The following ADAM18 variants were observed in gnomAD, a reference collection of about 807,000 sequenced individuals.
ADAM18 encodes ADAM metallopeptidase domain 18.
Under a neutral mutation model 94.4 loss-of-function variants are expected in ADAM18, and 117 were observed. The observed-to-expected ratio is 1.24, with a 90% CI of 1.07 to 1.45. ADAM18 has a LOEUF of 1.45. Among genes scored for constraint, ADAM18 ranks in the 40% most tolerant of loss-of-function variants. The pLI is 0.00. For missense variants in ADAM18, 936 were observed against 880.0 expected, an observed-to-expected ratio of 1.06 and a Z score of -0.81; for synonymous variants, 327 against 291.6, an observed-to-expected ratio of 1.12 and a Z score of -1.24.
At chr8:39,723,943 T>C (rs1323544972) in intron 19 of ADAM18, 36 bp downstream of exon 19, 1 of 1,273,374 alleles carries the variant, frequency 7.9e-7, no homozygotes, top group East Asian at 2.7e-5. Flanking sequence ...TTAGGTTTAA[T>C]TATCCTAGTC....
chr8:39,587,176 T>C (rs769473332), intron 2 of ADAM18, among the ~76,000 whole-genome samples: 1 of 152,204 alleles, frequency 6.6e-6, no homozygotes, highest in African/African-American at 2.4e-5. Flanking sequence ...ACTAAACATA[T>C]CCATCACCTC....
intron 16 of ADAM18, among the ~76,000 whole-genome samples, chr8:39,686,638 T>A (rs1265401403): frequency 6.6e-6 from 1 of 152,226 alleles, no homozygotes; most frequent in African/African-American, 2.4e-5. Context: ...GTTTCCTTTT[T>A]CATTTCTAAA....
Position 39,663,878 on chromosome 8 carries a change from A to G in ADAM18, c.1314A>G (p.Thr438=), listed in dbSNP as rs760605923. The change falls in exon 13 of 20, where the codon ACA becomes ACG. Residue 438 remains threonine, a synonymous_variant. Coordinates refer to ENST00000265707, the MANE Select transcript of ADAM18 (RefSeq NM_014237.3). ...AATGTGGTTCTGGACCATGTTGTAC[A>G]TCAAAGTGTGAGGTAAGTTACTAAC... The part of the protein sequence containing the change: ...SVKCGSGPCC[T]SKCELSIAGT... The G allele has an allele frequency of 1.9e-6, 3 of 1,610,360 alleles. No individual in the cohort carries two copies. The highest frequency in any genetic ancestry group is 2.5e-6 in the Non-Finnish European group (3 of 1,178,620).
intron 2 of ADAM18, among the ~76,000 whole-genome samples, chr8:39,593,126 C>T (rs1468207114): frequency 6.6e-6 from 1 of 152,158 alleles, no homozygotes; most frequent in African/African-American, 2.4e-5. Context: ...TTTTCATTTT[C>T]AGTCTTCATA....
At chr8:39,588,386 A>C (rs1818470781) in intron 2 of ADAM18, among the ~76,000 whole-genome samples, 1 of 152,068 alleles carries the variant, frequency 6.6e-6, no homozygotes, top group African/African-American at 2.4e-5. Flanking sequence ...AAGTTTATTC[A>C]GGTCCTTTGC....
intron 6 of ADAM18, among the ~76,000 whole-genome samples, chr8:39,620,701 C>T (rs1053123610): frequency 4.7e-5 from 7 of 148,180 alleles, no homozygotes; most frequent in African/African-American, 9.8e-5. Flanking sequence ...ATCCTATCAG[C>T]AGCAACAGCA....
chr8:39,713,210 A>G (rs985371893), intron 18 of ADAM18, among the ~76,000 whole-genome samples: 2 of 152,228 alleles, frequency 1.3e-5, no homozygotes, highest in Non-Finnish European at 2.9e-5. Context: ...TATTTAATAA[A>G]CGGTGCTGGG....
rs149937759 is a variant in ADAM18 at position 39,696,556 on chromosome 8, T to C, written c.1902+3876T>C. Among the ~76,000 whole-genome samples, 876 of 151,636 alleles carry C rather than the reference T, an allele frequency of 5.8e-3. 5 individuals are homozygous for C. The highest frequency in any genetic ancestry group is 0.02 in the African/African-American group (834 of 41,512). ...ATTTTGAGTTAATGTTGGTATATGT[T>C]TGAGATAAGAGTCTAACTATATTTT... On this transcript the variant is annotated intron_variant, in intron 17 of 19. Transcript: ENST00000265707.
chr8:39,586,548 T>C (rs1168081260), intron 2 of ADAM18, among the ~76,000 whole-genome samples: 3 of 152,072 alleles, frequency 2.0e-5, no homozygotes, highest in Admixed American at 2.0e-4. Flanking sequence ...CTTGGGCAAG[T>C]TGGTGAGACC....
intron 11 of ADAM18, among the ~76,000 whole-genome samples, chr8:39,646,492 A>G (rs1273654555): frequency 4.6e-5 from 7 of 152,216 alleles, no homozygotes; most frequent in Admixed American, 3.9e-4. Flanking sequence ...AGTAACCAAA[A>G]TAAAAATTGT....
At chr8:39,716,218 A>AT (rs1251674556) in intron 18 of ADAM18, among the ~76,000 whole-genome samples, 2 of 149,438 alleles carry the variant, frequency 1.3e-5, no homozygotes, top group African/African-American at 4.9e-5. Context: ...AATACTTGCT[A>AT]TTTTTTTTCT....
chr8:39,713,945 T>G (rs977501951), intron 18 of ADAM18, among the ~76,000 whole-genome samples: 2 of 152,186 alleles, frequency 1.3e-5, no homozygotes, highest in African/African-American at 4.8e-5. Flanking sequence ...ACTGGGTATA[T>G]ACCCAAAGGA....
chr8:39,691,975 T>C lies in ADAM18; in HGVS notation c.1822-625T>C, dbSNP rs3911233. On this transcript the variant is annotated intron_variant, in intron 16 of 19. Coordinates refer to ENST00000265707, the MANE Select transcript of ADAM18 (RefSeq NM_014237.3). Reference sequence around the variant, plus strand: ...TTATGTTGTGAACGACTTAAACAGATTTTATGGTGACACTTTGAAATAAAA... The same window carrying C: ...TTATGTTGTGAACGACTTAAACAGACTTTATGGTGACACTTTGAAATAAAA... 3.7e-3 allele frequency among the ~76,000 whole-genome samples: 566 copies of C among 151,946 alleles called. 3 individuals are homozygous for C. The highest frequency in any genetic ancestry group is 0.013 in the African/African-American group (543 of 41,504).
intron 2 of ADAM18, among the ~76,000 whole-genome samples, chr8:39,597,777 T>C (rs1486706550): frequency 6.6e-6 from 1 of 152,192 alleles, no homozygotes; most frequent in Non-Finnish European, 1.5e-5. Context: ...GTCTTTTGCC[T>C]CTCCACATAA....
intron 2 of ADAM18, among the ~76,000 whole-genome samples, chr8:39,587,739 C>T (rs1348956584): frequency 6.6e-6 from 1 of 152,160 alleles, no homozygotes; most frequent in Non-Finnish European, 1.5e-5. Flanking sequence ...AGCCACCACA[C>T]CCACCTATTT....
chr8:39,659,844 A>G (rs1585950252), intron 12 of ADAM18, among the ~76,000 whole-genome samples: 1 of 152,124 alleles, frequency 6.6e-6, no homozygotes, highest in Non-Finnish European at 1.5e-5. Context: ...AATTATAGAT[A>G]CCAAAAAATC....
intron 6 of ADAM18, among the ~76,000 whole-genome samples, chr8:39,628,090 T>A (rs1251697829): frequency 2.6e-5 from 4 of 152,050 alleles, no homozygotes; most frequent in Non-Finnish European, 5.9e-5. Context: ...AACTTTTTAG[T>A]CATTAAATAT....
chr8:39,686,806 G>A (rs1167784648), intron 16 of ADAM18, among the ~76,000 whole-genome samples: 1 of 152,118 alleles, frequency 6.6e-6, no homozygotes, highest in Non-Finnish European at 1.5e-5. Flanking sequence ...CTGTGCAATT[G>A]GAAGTTTCTT....
intron 2 of ADAM18, among the ~76,000 whole-genome samples, chr8:39,598,288 T>C (rs550997624): frequency 4.1e-4 from 63 of 152,192 alleles, no homozygotes; most frequent in African/African-American, 1.3e-3. Context: ...ACTGGTAGTG[T>C]GATGTTGAAA....
Sources: allele counts gnomAD v4.1 joint callset (sites outside exome capture counted in the v4.1 genomes callset), GRCh38; gene constraint gnomAD v4.1.1; transcripts MANE v1.5; gene names NCBI Gene and HGNC (gene_info 2026-07-23, HGNC 2026-07-21).